The following OVCH1 variants were observed in gnomAD, a reference collection of about 807,000 sequenced individuals.
The protein encoded by OVCH1 is ovochymase-1.
OVCH1 carries 139 observed loss-of-function variants against 138.4 expected under a neutral mutation model. The ratio of observed to expected loss-of-function variants is 1.00; its 90% CI spans 0.87 to 1.16. The LOEUF is 1.16. Ranked by LOEUF, OVCH1 falls within the 50% of genes most tolerant of loss-of-function variation. The probability of loss-of-function intolerance (pLI) is 0.00; values close to 1 mark genes in which losing one functional copy is unlikely to be tolerated. For synonymous variants in OVCH1, 453 were observed against 467.8 expected (o/e 0.97, Z 0.41); for missense variants, 1,367 against 1,357.9 (o/e 1.01, Z -0.11).
intron 16 of OVCH1, among the ~76,000 whole-genome samples, chr12:29,471,598 A>G (rs1269990063): frequency 6.6e-6 from 1 of 152,242 alleles, no homozygotes; most frequent in Non-Finnish European, 1.5e-5. Context: ...ATCTATTTAA[A>G]CGGGATAAGC....
intron 3 of OVCH1, among the ~76,000 whole-genome samples, chr12:29,417,539 T>TATC (rs1592022514): frequency 6.6e-6 from 1 of 151,834 alleles, no homozygotes; most frequent in Non-Finnish European, 1.5e-5. Context: ...ATCTTGATTG[T>TATC]ATCAATATCC....
At chr12:29,438,623 C>T (rs1941409027) in intron 26 of OVCH1, among the ~76,000 whole-genome samples, 2 of 152,078 alleles carry the variant, frequency 1.3e-5, no homozygotes, top group Non-Finnish European at 2.9e-5. Flanking sequence ...ACACAGGCAC[C>T]TTAATAAAGT....
At chr12:29,442,678 A>G (rs1328240930) in intron 25 of OVCH1, among the ~76,000 whole-genome samples, 1 of 151,950 alleles carries the variant, frequency 6.6e-6, no homozygotes, top group Non-Finnish European at 1.5e-5. Context: ...AAACTTCTAC[A>G]CAATTGTAAT....
At chr12:29,441,150 C>T (rs1941475023) in intron 25 of OVCH1, among the ~76,000 whole-genome samples, 1 of 152,144 alleles carries the variant, frequency 6.6e-6, no homozygotes, top group African/African-American at 2.4e-5. Flanking sequence ...GGTTGACAAC[C>T]CGCATTGCCA....
chr12:29,427,498 G>A, downstream of OVCH1: 1 of 1,537,600 alleles, frequency 6.5e-7, no homozygotes, highest in South Asian at 1.2e-5. Flanking sequence ...TTGAGGACGT[G>A]AAACTTGAGA....
At chr12:29,464,527 C>G in exon 18 of OVCH1, 1 of 1,613,330 alleles carries the variant, frequency 6.2e-7, no homozygotes, top group Non-Finnish European at 8.5e-7. Context: ...GCTTCCCCAT[C>G]CGGTCACAGC....
chr12:29,474,398 A>C (rs1942632691), intron 14 of OVCH1, among the ~76,000 whole-genome samples: 1 of 152,168 alleles, frequency 6.6e-6, no homozygotes, highest in Non-Finnish European at 1.5e-5. Context: ...AGAGCAATGC[A>C]CATAACTCCT....
downstream of OVCH1, among the ~76,000 whole-genome samples, chr12:29,424,327 A>T (rs1941148616): frequency 6.6e-6 from 1 of 152,226 alleles, no homozygotes; most frequent in African/African-American, 2.4e-5. Context: ...TGGGTGGGCC[A>T]GGTGTTCCTT....
intron 22 of OVCH1, among the ~76,000 whole-genome samples, chr12:29,449,500 A>G (rs1941718573): frequency 1.3e-5 from 2 of 152,014 alleles, no homozygotes; most frequent in African/African-American, 2.4e-5. Context: ...ATGACCATGG[A>G]ATGTTTTTCC....
chr12:29,447,362 G>C (rs144053725), intron 22 of OVCH1, among the ~76,000 whole-genome samples: 145 of 152,178 alleles, frequency 9.5e-4, no homozygotes, highest in South Asian at 2.9e-3. Context: ...AAGGAAAATT[G>C]CCTATTAAAT....
At chr12:29,412,046 T>A (rs1461863718), downstream of OVCH1, among the ~76,000 whole-genome samples, 2 of 152,046 alleles carry the variant, frequency 1.3e-5, no homozygotes, top group African/African-American at 4.8e-5. Context: ...GCCGCCTTGC[T>A]GTTTGATCTC....
intron 5 of OVCH1, 88 bp downstream of exon 5, chr12:29,491,009 T>G: frequency 9.8e-7 from 1 of 1,021,240 alleles, no homozygotes; most frequent in Non-Finnish European, 1.5e-6. Flanking sequence ...ATGATAAATG[T>G]ACTACTCATG....
chr12:29,423,566 GA>G (rs1941135131), downstream of OVCH1, among the ~76,000 whole-genome samples: 1 of 151,958 alleles, frequency 6.6e-6, no homozygotes, highest in Admixed American at 6.6e-5. Context: ...AGGATGGGAG[GA>G]AAAAAGGGCA....
chr12:29,450,140 T>C (rs1941741815), intron 22 of OVCH1, among the ~76,000 whole-genome samples: 1 of 152,034 alleles, frequency 6.6e-6, no homozygotes, highest in Non-Finnish European at 1.5e-5. Flanking sequence ...CCAAAAGCAA[T>C]GGCAACAAAA....
At chr12:29,419,186 A>G (rs1001657163) in intron 3 of OVCH1, among the ~76,000 whole-genome samples, 1 of 152,032 alleles carries the variant, frequency 6.6e-6, no homozygotes, top group Admixed American at 6.5e-5. Context: ...TAAAAATTTT[A>G]TTGTCTTGAA....
At chr12:29,457,638 C>T (rs1941998334) in intron 19 of OVCH1, among the ~76,000 whole-genome samples, 1 of 151,898 alleles carries the variant, frequency 6.6e-6, no homozygotes, top group African/African-American at 2.4e-5. Context: ...CTGCTGACCT[C>T]ATGATCCGCC....
Position 29,497,604 on chromosome 12 carries a change from C to T in OVCH1, c.64+19G>A. ...CTCAGCCTCCTCCGCAGTCCTGGTG[C>T]CCAGGTCCCTAGGCTCACCTAGGCT... On this transcript the variant is annotated intron_variant, in intron 1 of 27. Coordinates refer to ENST00000318184, the Ensembl canonical transcript of OVCH1. 3 of 1,613,306 alleles carry T rather than the reference C, an allele frequency of 1.9e-6. No individual in the cohort carries two copies. Among genetic ancestry groups the T allele is most frequent in the Non-Finnish European group, 2.5e-6 (3 of 1,179,542 alleles).
chr12:29,422,674 A>G (rs1212628541), downstream of OVCH1, among the ~76,000 whole-genome samples: 1 of 152,192 alleles, frequency 6.6e-6, no homozygotes. Flanking sequence ...GCTTAAAAGT[A>G]GATTGGATAA....
intron 18 of OVCH1, 23 bp from the exon 19 acceptor site, chr12:29,462,031 G>C (rs766596667): frequency 1.2e-6 from 2 of 1,604,614 alleles, no homozygotes; most frequent in South Asian, 1.1e-5. Context: ...CATTCAGAGA[G>C]AGCTCGATGA....
Sources: gnomAD v4.1 joint callset for allele counts (sites outside exome capture counted in the v4.1 genomes callset) on GRCh38, gnomAD v4.1.1 for gene constraint, MANE v1.5 for transcripts, NCBI Gene and HGNC (gene_info 2026-07-23, HGNC 2026-07-21) for gene names.